The following COBLL1 variants were observed in gnomAD, a reference collection of about 807,000 sequenced individuals.
COBLL1 encodes cordon-bleu WH2 repeat protein like 1, also known as cordon-bleu protein-like 1.
In COBLL1, 50 loss-of-function variants were observed where a neutral mutation model predicts 94.8. The ratio of observed to expected loss-of-function variants is 0.53; its 90% CI spans 0.42 to 0.67. COBLL1 has a LOEUF of 0.67. Among genes scored for constraint, COBLL1 ranks in the 30% least tolerant of loss-of-function variants. The probability of loss-of-function intolerance (pLI) is 0.00; values close to 1 mark genes in which losing one functional copy is unlikely to be tolerated. For synonymous variants in COBLL1, 448 were observed against 473.8 expected (o/e 0.95, Z 0.71); for missense variants, 1,362 against 1,348.7 (o/e 1.01, Z -0.15).
intron 2 of COBLL1, among the ~76,000 whole-genome samples, chr2:164,794,875 A>C (rs1197687133): frequency 6.6e-6 from 1 of 152,236 alleles, no homozygotes; most frequent in Admixed American, 6.5e-5. Context: ...GAATTCACAA[A>C]TCTTTGCCCC....
intron 1 of COBLL1, among the ~76,000 whole-genome samples, chr2:164,672,464 C>T (rs1302393479): frequency 2.0e-5 from 3 of 150,810 alleles, no homozygotes; most frequent in East Asian, 1.9e-4. Context: ...TTTGGGAGGC[C>T]GAGGCGGGTG....
intron 7 of COBLL1, among the ~76,000 whole-genome samples, chr2:164,717,299 T>C (rs974037679): frequency 1.3e-5 from 2 of 152,212 alleles, no homozygotes; most frequent in African/African-American, 2.4e-5. Context: ...ATACATATTT[T>C]TCTTCCAAGT....
At chr2:164,776,854 A>G (rs1158285818) in intron 2 of COBLL1, among the ~76,000 whole-genome samples, 1 of 152,132 alleles carries the variant, frequency 6.6e-6, no homozygotes, top group Non-Finnish European at 1.5e-5. Flanking sequence ...GGACAATACT[A>G]TTAGCCCTTG....
Position 164,729,874 on chromosome 2 carries a change from T to C in COBLL1, c.432+40A>G, listed in dbSNP as rs753178222. ...TTCACTTACAATGAGCTGCTGATAA[T>C]GACTGAATAAGACATCAAAATATAT... On this transcript the variant is annotated intron_variant, in intron 4 of 13. Transcript: ENST00000652658. The C allele has an allele frequency of 3.3e-6, 5 of 1,521,266 alleles. No homozygotes were observed. The East Asian group carries it at 1.1e-4, about 34-fold the overall frequency. The allele number at this position is 1,521,266 out of a possible 1,614,324, so 94.2% of individuals were successfully genotyped here.
intron 2 of COBLL1, among the ~76,000 whole-genome samples, chr2:164,764,585 C>T (rs1687847291): frequency 2.6e-5 from 4 of 151,958 alleles, no homozygotes; most frequent in Admixed American, 2.6e-4. Context: ...ATCAGGGTTC[C>T]TTGAAAAAAT....
rs1393839066 is a variant in COBLL1 at position 164,695,110 on chromosome 2, A to C, written c.2282T>G (p.Met761Arg). The change falls in exon 12 of 14, where the codon ATG becomes AGG. Residue 761 changes from methionine to arginine, a missense_variant. Coordinates refer to ENST00000652658, the MANE Select transcript of COBLL1 (RefSeq NM_001365672.2). Reference protein sequence around the residue: ...ETIEYKDDQDMHALGKKHTHE... With the variant: ...ETIEYKDDQDRHALGKKHTHE... Reference sequence around the variant, plus strand: ...AGTGTGCTTTTTCCCTAAAGCATGCATGTCCTGATCATCTTTATACTCTAT... The same window carrying C: ...AGTGTGCTTTTTCCCTAAAGCATGCCTGTCCTGATCATCTTTATACTCTAT... The C allele has an allele frequency of 6.2e-7, 1 of 1,613,900 alleles. No homozygotes were observed. The highest frequency in any genetic ancestry group is 2.2e-5 in the East Asian group (1 of 44,852).
downstream of COBLL1, among the ~76,000 whole-genome samples, chr2:164,676,953 C>T (rs1487305935): frequency 1.3e-5 from 2 of 152,148 alleles, no homozygotes; most frequent in Admixed American, 6.5e-5. Context: ...TCTAAATCCA[C>T]TGTCCAATTT....
At chr2:164,716,002 C>A (rs1391485499) in intron 7 of COBLL1, among the ~76,000 whole-genome samples, 2 of 152,160 alleles carry the variant, frequency 1.3e-5, no homozygotes, top group Non-Finnish European at 2.9e-5. Flanking sequence ...GTCAAGATTA[C>A]CAAATACTTT....
At chr2:164,734,496 G>A (rs1409783069) in intron 3 of COBLL1, among the ~76,000 whole-genome samples, 3 of 152,172 alleles carry the variant, frequency 2.0e-5, no homozygotes, top group African/African-American at 7.2e-5. Flanking sequence ...CCTCCAAAGA[G>A]TTCTGAGGAG....
chr2:164,672,195 T>G (rs1159011499), intron 1 of COBLL1, among the ~76,000 whole-genome samples: 6 of 152,232 alleles, frequency 3.9e-5, no homozygotes, highest in Non-Finnish European at 2.9e-5. Context: ...ATTTTTGCAC[T>G]TTCCCTCACA....
At chr2:164,688,511 A>G (rs1227878621) in intron 13 of COBLL1, among the ~76,000 whole-genome samples, 1 of 152,170 alleles carries the variant, frequency 6.6e-6, no homozygotes, top group Non-Finnish European at 1.5e-5. Context: ...ACTTAAAAAA[A>G]CAGCATTTAA....
At chr2:164,720,852 CA>C (rs1328244551) in intron 7 of COBLL1, among the ~76,000 whole-genome samples, 1 of 152,132 alleles carries the variant, frequency 6.6e-6, no homozygotes, top group African/African-American at 2.4e-5. Context: ...AGTTACCCTG[CA>C]AATTCTTTGT....
At chr2:164,777,523 G>A (rs964019792) in intron 2 of COBLL1, among the ~76,000 whole-genome samples, 1 of 152,112 alleles carries the variant, frequency 6.6e-6, no homozygotes, top group Non-Finnish European at 1.5e-5. Flanking sequence ...CATTAAGGGA[G>A]AGTGACACAG....
chr2:164,762,698 T>TC (rs1178817068), intron 2 of COBLL1, among the ~76,000 whole-genome samples: 1 of 145,590 alleles, frequency 6.9e-6, no homozygotes, highest in East Asian at 2.0e-4. Flanking sequence ...CTATCATCCT[T>TC]TTTTTTTTTT....
intron 2 of COBLL1, among the ~76,000 whole-genome samples, chr2:164,838,552 G>A (rs1317937396): frequency 6.6e-6 from 1 of 152,104 alleles, no homozygotes; most frequent in East Asian, 1.9e-4. Flanking sequence ...AAGATAAAAA[G>A]CAATTAACAA....
At chr2:164,720,742 C>T (rs893432959) in intron 7 of COBLL1, among the ~76,000 whole-genome samples, 3 of 152,158 alleles carry the variant, frequency 2.0e-5, no homozygotes, top group Non-Finnish European at 4.4e-5. Context: ...CACATTCCTG[C>T]GTCTCTTAAC....
At chr2:164,760,700 T>G (rs1687639377) in intron 2 of COBLL1, among the ~76,000 whole-genome samples, 1 of 152,200 alleles carries the variant, frequency 6.6e-6, no homozygotes, top group Non-Finnish European at 1.5e-5. Flanking sequence ...AGAAACTTTC[T>G]GCACTATTTC....
chr2:164,709,628 G>A (rs1219795297), intron 7 of COBLL1, among the ~76,000 whole-genome samples: 1 of 152,178 alleles, frequency 6.6e-6, no homozygotes, highest in Non-Finnish European at 1.5e-5. Flanking sequence ...TGAGGCAGAA[G>A]AATCGCTTGA....
At chr2:164,784,275 A>G (rs1688842904) in intron 2 of COBLL1, among the ~76,000 whole-genome samples, 1 of 152,216 alleles carries the variant, frequency 6.6e-6, no homozygotes, top group Admixed American at 6.5e-5. Flanking sequence ...TAGTATCACC[A>G]TACTGCGCAA....
Sources: gnomAD v4.1 joint callset for allele counts (sites outside exome capture counted in the v4.1 genomes callset) on GRCh38, gnomAD v4.1.1 for gene constraint, MANE v1.5 for transcripts, NCBI Gene and HGNC (gene_info 2026-07-23, HGNC 2026-07-21) for gene names.